The following KAZN variants were observed in gnomAD, a reference collection of about 807,000 sequenced individuals.
KAZN encodes the protein kazrin.
A neutral mutation model predicts 87.4 loss-of-function variants in KAZN; 40 were observed. That is an observed-to-expected ratio of 0.46 (90% CI 0.36 to 0.60). The LOEUF is 0.60. Among genes scored for constraint, KAZN ranks in the 20% least tolerant of loss-of-function variants. KAZN has a pLI of 0.00. For missense variants in KAZN, 898 were observed against 1,073.9 expected (o/e 0.84, Z 2.29); for synonymous variants, 466 against 458.3 (o/e 1.02, Z -0.22).
At chr1:14,388,667 C>A (rs1300017613) in intron 2 of KAZN, among the ~76,000 whole-genome samples, 1 of 152,024 alleles carries the variant, frequency 6.6e-6, no homozygotes, top group Non-Finnish European at 1.5e-5. Flanking sequence ...TGAAACTAGA[C>A]CCCTATCTCT....
intron 2 of KAZN, among the ~76,000 whole-genome samples, chr1:14,544,332 C>CTTTTT (rs1672992284): frequency 1.2e-5 from 1 of 86,356 alleles, no homozygotes. Context: ...TTTTTTTTTT[C>CTTTTT]TTTTTCTTTC....
chr1:14,846,678 C>A (rs1392753748), intron 1 of KAZN, among the ~76,000 whole-genome samples: 1 of 152,156 alleles, frequency 6.6e-6, no homozygotes, highest in African/African-American at 2.4e-5. Flanking sequence ...ATCACCATGA[C>A]CTTGAGAATC....
intron 2 of KAZN, among the ~76,000 whole-genome samples, chr1:14,308,348 G>A (rs2100803139): frequency 6.6e-6 from 1 of 152,286 alleles, no homozygotes; most frequent in Non-Finnish European, 1.5e-5. Context: ...AATGCATACT[G>A]CAATATTTAG....
intron 2 of KAZN, among the ~76,000 whole-genome samples, chr1:14,207,501 T>C (rs780866963): frequency 1.3e-5 from 2 of 152,172 alleles, no homozygotes; most frequent in Non-Finnish European, 2.9e-5. Flanking sequence ...AACCCTACAC[T>C]TGCACAATAT....
At chr1:14,913,121 T>C (rs1169800957) in intron 1 of KAZN, among the ~76,000 whole-genome samples, 4 of 152,132 alleles carry the variant, frequency 2.6e-5, no homozygotes, top group Non-Finnish European at 5.9e-5. Context: ...AGTGTGTGCT[T>C]GTGGTGCGCC....
At chr1:14,777,154 A>G (rs1322427644) in intron 1 of KAZN, among the ~76,000 whole-genome samples, 3 of 67,796 alleles carry the variant, frequency 4.4e-5, no homozygotes, top group African/African-American at 1.3e-4. Flanking sequence ...CACCCAGCTA[A>G]TTTTTTTTTT....
intron 1 of KAZN, among the ~76,000 whole-genome samples, chr1:14,036,027 G>T (rs1445425767): frequency 6.6e-6 from 1 of 152,194 alleles, no homozygotes; most frequent in South Asian, 2.1e-4. Flanking sequence ...TATAGAGGAG[G>T]TATCATTTGA....
chr1:13,907,517 G>A (rs1420026219), intron 1 of KAZN, among the ~76,000 whole-genome samples: 2 of 151,918 alleles, frequency 1.3e-5, no homozygotes, highest in African/African-American at 4.8e-5. Context: ...GTGTTGGGTG[G>A]GTGGGAATGG....
At chr1:14,417,332 A>G (rs982923625) in intron 2 of KAZN, among the ~76,000 whole-genome samples, 2 of 152,214 alleles carry the variant, frequency 1.3e-5, no homozygotes, top group Non-Finnish European at 2.9e-5. Context: ...AGTGAACCCA[A>G]TTGTTATCGA....
rs191702649 is a variant in KAZN, at chr1:13,903,480, G to A, written c.91+9724G>A. On this transcript the variant is annotated intron_variant, in intron 1 of 16. Coordinates refer to the KAZN transcript ENST00000636203. The stretch of plus-strand genomic sequence containing the variant: ...GTGGCTAGGAGGGAGACTCAGCCTC[G>A]GACCCCAAAGGGAAGGAGAGCCAGT... Among the ~76,000 whole-genome samples the A allele has an allele frequency of 6.1e-4, 93 of 152,222 alleles. 1 individual carries two copies. Among genetic ancestry groups the A allele is most frequent in the Admixed American group, 3.5e-3 (53 of 15,286 alleles).
At chr1:14,680,208 A>G (rs183787810) in intron 1 of KAZN, among the ~76,000 whole-genome samples, 1 of 152,212 alleles carries the variant, frequency 6.6e-6, no homozygotes, top group African/African-American at 2.4e-5. Flanking sequence ...CGGTTTGATG[A>G]GTTTTGACAA....
chr1:14,263,204 G>A (rs1467584682), intron 2 of KAZN, among the ~76,000 whole-genome samples: 1 of 152,130 alleles, frequency 6.6e-6, no homozygotes, highest in African/African-American at 2.4e-5. Flanking sequence ...GAAAGCCATA[G>A]ACCATAAACC....
At chr1:14,235,875 C>T (rs551966994) in intron 2 of KAZN, among the ~76,000 whole-genome samples, 1 of 152,226 alleles carries the variant, frequency 6.6e-6, no homozygotes, top group East Asian at 1.9e-4. Context: ...AGCAACTCTC[C>T]ACGGTCTTGT....
At chr1:14,207,885 A>G (rs1406408497) in intron 2 of KAZN, among the ~76,000 whole-genome samples, 1 of 152,230 alleles carries the variant, frequency 6.6e-6, no homozygotes, top group Non-Finnish European at 1.5e-5. Flanking sequence ...TGGACAGGCC[A>G]AGGAGGGCCC....
chr1:14,332,059 G>T (rs1214028260), intron 2 of KAZN, among the ~76,000 whole-genome samples: 1 of 152,140 alleles, frequency 6.6e-6, no homozygotes, highest in Non-Finnish European at 1.5e-5. Flanking sequence ...GCCACATATA[G>T]TCTCCATCAC....
intron 1 of KAZN, among the ~76,000 whole-genome samples, chr1:14,074,276 C>T (rs1643358421): frequency 6.6e-6 from 1 of 152,120 alleles, no homozygotes; most frequent in African/African-American, 2.4e-5. Flanking sequence ...TCTTTGGCTC[C>T]CAGCCCCCAG....
intron 1 of KAZN, among the ~76,000 whole-genome samples, chr1:14,685,236 G>A (rs1640885907): frequency 6.6e-6 from 1 of 152,220 alleles, no homozygotes. Context: ...TCCTGCCGGA[G>A]AAACTCTGGG....
chr1:13,935,080 T>C (rs1300912539), intron 1 of KAZN, among the ~76,000 whole-genome samples: 1 of 150,518 alleles, frequency 6.6e-6, no homozygotes, highest in Non-Finnish European at 1.5e-5. Flanking sequence ...CTACTAAAGA[T>C]AGAAAAATTA....
chr1:14,464,374 C>T (rs901194206), intron 2 of KAZN, among the ~76,000 whole-genome samples: 6 of 152,096 alleles, frequency 3.9e-5, no homozygotes, highest in Admixed American at 6.5e-5. Flanking sequence ...ACTCAGATTG[C>T]GTTTCCTTAG....
Sources: gnomAD v4.1 joint callset for allele counts (sites outside exome capture counted in the v4.1 genomes callset) on GRCh38, gnomAD v4.1.1 for gene constraint, MANE v1.5 for transcripts, NCBI Gene and HGNC (gene_info 2026-07-23, HGNC 2026-07-21) for gene names.